Variants in ARID1B observed in about 807,000 individuals in gnomAD.
ARID1B encodes AT-rich interactive domain-containing protein 1B.
A neutral mutation model predicts 212.3 loss-of-function variants in ARID1B; 30 were observed. The ratio of observed to expected loss-of-function variants is 0.14; its 90% confidence interval spans 0.11 to 0.19. The LOEUF is 0.19. Ranked by LOEUF, ARID1B falls within the 10% of genes least tolerant of loss-of-function variation. The pLI is 1.00. For synonymous variants in ARID1B, 1,402 were observed against 1,301.7 expected (o/e 1.08, Z -1.66); for missense variants, 2,891 against 3,204.0 (o/e 0.90, Z 2.36).
At chr6:157,189,009 G>A (rs1180082033) in intron 13 of ARID1B, among the ~76,000 whole-genome samples, 1 of 152,074 alleles carries the variant, frequency 6.6e-6, no homozygotes, top group Admixed American at 6.5e-5. Context: ...AGTATGACTT[G>A]TGCTTTTTGA....
intron 4 of ARID1B, chr6:157,036,645 G>T: frequency 2.9e-6 from 1 of 339,168 alleles, no homozygotes; most frequent in Non-Finnish European, 5.8e-6. Context: ...CTGAAACCCA[G>T]ACGGTGACTG....
At chr6:156,892,356 CAT>C (rs1788011234) in intron 2 of ARID1B, among the ~76,000 whole-genome samples, 1 of 152,004 alleles carries the variant, frequency 6.6e-6, no homozygotes, top group African/African-American at 2.4e-5. Flanking sequence ...AAAATGAAAA[CAT>C]AAAAACTCAC....
rs4419680 is a variant in ARID1B, at chr6:157,210,527, C to T, written c.*2636C>T. The T allele has an allele frequency of 5.2e-5, 12 of 232,508 alleles. No individual in the cohort carries two copies. In the East Asian group the frequency reaches 7.3e-4, roughly 14 times the overall value. 14.4% of individuals were successfully genotyped at this position (232,508 alleles called of 1,614,324 possible). A position where few individuals can be genotyped will look rare whatever the true frequency, so the allele number is the denominator to read the frequency against. ...GACTAATCCAGGAAGACTTTAGCCT[C>T]CTTTCCATATTCTCACCCCCGAATC... On this transcript the variant is annotated 3_prime_UTR_variant, in exon 20 of 20. Coordinates refer to ENST00000636930, the MANE Select transcript of ARID1B (RefSeq NM_001374828.1).
intron 5 of ARID1B, among the ~76,000 whole-genome samples, chr6:157,088,899 C>T (rs1468869234): frequency 6.6e-6 from 1 of 152,160 alleles, no homozygotes; most frequent in Non-Finnish European, 1.5e-5. Context: ...CTCAAACTGT[C>T]GAGCTATCTG....
At chr6:156,921,488 CACACAA>C (rs1219504763) in intron 3 of ARID1B, among the ~76,000 whole-genome samples, 9 of 101,664 alleles carry the variant, frequency 8.9e-5, no homozygotes, top group Admixed American at 5.1e-4. Context: ...CACACACACA[CACACAA>C]AATGTAAGGG....
At chr6:156,998,854 GA>G (rs1158640768) in intron 4 of ARID1B, among the ~76,000 whole-genome samples, 2 of 152,222 alleles carry the variant, frequency 1.3e-5, no homozygotes, top group East Asian at 3.8e-4. Flanking sequence ...GCCTGGAAAA[GA>G]GGAAGAAAGC....
chr6:157,206,129 A>C lies in ARID1B; in HGVS notation c.5395-38A>C. On this transcript the variant is annotated intron_variant, in intron 19 of 19. Transcript: ENST00000636930. The surrounding 1 kb of genome is among the most constrained non-coding windows in gnomAD (Gnocchi z 6.8). The stretch of plus-strand genomic sequence containing the variant: ...GTCATATCTGATGTCATGACATTGT[A>C]CCTGTTCTTTCTTTCTTCTCCTCCT... 6.3e-7 allele frequency: 1 copy of C among 1,599,162 alleles called. No individual in the cohort carries two copies. The highest frequency in any genetic ancestry group is 1.7e-4 in the Middle Eastern group (1 of 6,022).
intron 6 of ARID1B, among the ~76,000 whole-genome samples, chr6:157,125,278 C>G (rs1007604617): frequency 6.6e-6 from 1 of 152,186 alleles, no homozygotes; most frequent in East Asian, 1.9e-4. Flanking sequence ...CAATAAGCCT[C>G]GGGCCTGGCT....
intron 4 of ARID1B, among the ~76,000 whole-genome samples, chr6:156,950,877 A>C (rs1793533977): frequency 6.6e-6 from 1 of 152,116 alleles, no homozygotes; most frequent in Non-Finnish European, 1.5e-5. Context: ...TACAAACCTA[A>C]TTTCTCATTA....
At chr6:156,988,393 A>G (rs962505224) in intron 4 of ARID1B, among the ~76,000 whole-genome samples, 1 of 152,132 alleles carries the variant, frequency 6.6e-6, no homozygotes. Context: ...GCAGCCTGCC[A>G]CTGTTTTTTG....
intron 4 of ARID1B, among the ~76,000 whole-genome samples, chr6:157,070,268 AT>A (rs1783931257): frequency 6.6e-6 from 1 of 150,928 alleles, no homozygotes; most frequent in Non-Finnish European, 1.5e-5. Context: ...TAATAAATAT[AT>A]TTTTTGGTTA....
At chr6:157,167,389 T>C (rs1791411636) in intron 9 of ARID1B, 1 of 516,880 alleles carries the variant, frequency 1.9e-6, no homozygotes, top group Non-Finnish European at 3.2e-6. Flanking sequence ...ATTATTTTTA[T>C]TCAATCTGTG....
At position 156,778,748 on chromosome 6, in the gene ARID1B, CGCCG is replaced by C. The variant is rs1225557094; in HGVS notation, c.1070_1073del (p.Ala357GlyfsTer94). The C allele has an allele frequency of 1.3e-6, 2 of 1,524,722 alleles. No homozygotes were observed. Among genetic ancestry groups the C allele is most frequent in the Admixed American group, 2.0e-5 (1 of 48,880 alleles). 94.4% of individuals were successfully genotyped at this position (1,524,722 alleles called of 1,614,324 possible). On this transcript the variant is annotated frameshift_variant, in exon 1 of 20. Coordinates refer to ENST00000636930, the MANE Select transcript of ARID1B (RefSeq NM_001374828.1). LOFTEE classifies it high-confidence loss of function. ...TGATGCACTCCGCCTCCGCCGCCGC[CGCCG>C]GGGCCCCCGGCAGCATGGACCCCCT...
At chr6:157,016,448 T>TA (rs1779926910) in intron 4 of ARID1B, among the ~76,000 whole-genome samples, 1 of 152,168 alleles carries the variant, frequency 6.6e-6, no homozygotes, top group African/African-American at 2.4e-5. Context: ...AAAAACAAAG[T>TA]AAAATACAGC....
intron 3 of ARID1B, among the ~76,000 whole-genome samples, chr6:156,922,017 C>T (rs1790844621): frequency 6.6e-6 from 1 of 152,120 alleles, no homozygotes; most frequent in Non-Finnish European, 1.5e-5. Flanking sequence ...TTACTTCACT[C>T]TCTTTGGCAA....
At chr6:157,004,353 G>GT (rs138727422) in intron 4 of ARID1B, among the ~76,000 whole-genome samples, 25,991 of 152,120 alleles carry the variant, frequency 0.17, 2,980 homozygotes, top group Non-Finnish European at 0.25. Flanking sequence ...TTTGCTAAGT[G>GT]TTTAGCAAGT....
intron 6 of ARID1B, among the ~76,000 whole-genome samples, chr6:157,123,828 T>C (rs1247512733): frequency 6.6e-6 from 1 of 152,266 alleles, no homozygotes; most frequent in African/African-American, 2.4e-5. Flanking sequence ...TCTTACAAGG[T>C]AGGCTCAGTT....
chr6:156,800,661 T>C (rs1438271374), intron 1 of ARID1B, among the ~76,000 whole-genome samples: 1 of 151,852 alleles, frequency 6.6e-6, no homozygotes, highest in Non-Finnish European at 1.5e-5. Flanking sequence ...AATTCCAGCA[T>C]TTTGGGAGGC....
At position 156,813,962 on chromosome 6, in the gene ARID1B, C is replaced by T. The variant is rs562277302; in HGVS notation, c.1792-15265C>T. The stretch of plus-strand genomic sequence containing the variant: ...GTCAGACCCTGCCTTCATGCTCCCG[C>T]GCTGTGGATTCTTCACGGTAGCCTG... On this transcript the variant is annotated intron_variant, in intron 1 of 19. Transcript: ENST00000636930. Among the ~76,000 whole-genome samples the T allele has an allele frequency of 2.3e-4, 35 of 152,290 alleles. No homozygotes were observed. The South Asian group carries it at 4.8e-3, about 21-fold the overall frequency.
Sources: allele counts gnomAD v4.1 joint callset (sites outside exome capture counted in the v4.1 genomes callset), GRCh38; gene constraint gnomAD v4.1.1; non-coding constraint Gnocchi (gnomAD v3.1); transcripts MANE v1.5; gene names NCBI Gene and HGNC (gene_info 2026-07-23, HGNC 2026-07-21).